NCAPD3: variants seen among roughly 807,000 people sequenced by gnomAD.
NCAPD3 encodes the protein condensin-2 complex subunit D3.
Under a neutral mutation model 182.9 loss-of-function variants are expected in NCAPD3, and 105 were observed. The observed-to-expected ratio is 0.57, with a 90% CI of 0.49 to 0.68. The LOEUF (loss-of-function observed/expected upper bound fraction) is 0.68. Among genes scored for constraint, NCAPD3 ranks in the 30% least tolerant of loss-of-function variants. NCAPD3 has a pLI of 0.00. For missense variants in NCAPD3, 1,944 were observed against 1,837.0 expected, an observed-to-expected ratio of 1.06 and a Z score of -1.07; for synonymous variants, 815 against 679.9, an observed-to-expected ratio of 1.20 and a Z score of -3.09.
intron 27 of NCAPD3, among the ~76,000 whole-genome samples, chr11:134,163,121 C>T (rs1943636025): frequency 1.3e-5 from 2 of 152,080 alleles, no homozygotes; most frequent in Admixed American, 1.3e-4. Context: ...GAAGGCACAC[C>T]AGAAGTTCTT....
At chr11:134,200,349 G>T (rs531601948) in intron 13 of NCAPD3, among the ~76,000 whole-genome samples, 112 of 152,052 alleles carry the variant, frequency 7.4e-4, no homozygotes, top group Middle Eastern at 6.8e-3. Context: ...ATCTGATAAG[G>T]TATATATATA....
At chr11:134,194,617 C>T in intron 14 of NCAPD3, 48 bp downstream of exon 14, 1 of 1,355,762 alleles carries the variant, frequency 7.4e-7, no homozygotes. Context: ...CTTTGCATTT[C>T]CAAGTTTTTA....
At position 134,209,494 on chromosome 11, in the gene NCAPD3, T is replaced by G; in HGVS notation, c.568-17A>C. On this transcript the variant is annotated splice_polypyrimidine_tract_variant and intron_variant, in intron 4 of 34. Transcript: ENST00000534548. The stretch of plus-strand genomic sequence containing the variant: ...TTCATCCATCTAGATTATGAAGAAA[T>G]GTACAGGTGACTGTAATAAATGCCA... 25 of 1,598,960 alleles carry G rather than the reference T, an allele frequency of 1.6e-5. No individual in the cohort carries two copies. The highest frequency in any genetic ancestry group is 2.1e-5 in the Non-Finnish European group (25 of 1,173,186).
At chr11:134,193,112 T>TA (rs1944558144) in intron 15 of NCAPD3, among the ~76,000 whole-genome samples, 3 of 152,242 alleles carry the variant, frequency 2.0e-5, no homozygotes, top group Admixed American at 2.0e-4. Context: ...ACTCATACAT[T>TA]AAAGTCACTA....
In NCAPD3 at chr11:134,184,888, C is replaced by G. The variant is rs1327172893; in HGVS notation, c.2335+15G>C. The stretch of plus-strand genomic sequence containing the variant: ...GCAATGCATTTTCACATAAGATTCT[C>G]CAGCAGACACTCACCAGTCACTTTG... On this transcript the variant is annotated intron_variant, in intron 18 of 34. Transcript: ENST00000534548. The G allele has an allele frequency of 1.9e-6, 3 of 1,590,926 alleles. No individual in the cohort carries two copies. In the East Asian group the frequency reaches 6.7e-5, roughly 36 times the overall value.
At chr11:134,182,037 A>C (rs937113567) in intron 19 of NCAPD3, among the ~76,000 whole-genome samples, 4 of 152,200 alleles carry the variant, frequency 2.6e-5, no homozygotes, top group African/African-American at 9.7e-5. Flanking sequence ...TATTACTTCT[A>C]AAAGAACTAT....
intron 18 of NCAPD3, 34 bp from the exon 19 acceptor site, chr11:134,184,786 T>C (rs767803780): frequency 4.0e-6 from 6 of 1,512,698 alleles, no homozygotes; most frequent in Non-Finnish European, 5.5e-6. Flanking sequence ...GAAGTTCAAC[T>C]GCTTAAATAT....
chr11:134,215,015 T>C (rs933679392), intron 3 of NCAPD3, among the ~76,000 whole-genome samples: 19 of 152,198 alleles, frequency 1.2e-4, no homozygotes, highest in African/African-American at 4.6e-4. Flanking sequence ...TTATACACCA[T>C]GACCAAGGTC....
At chr11:134,211,199 T>A (rs1591861567) in intron 3 of NCAPD3, among the ~76,000 whole-genome samples, 1 of 152,198 alleles carries the variant, frequency 6.6e-6, no homozygotes, top group African/African-American at 2.4e-5. Context: ...CTAAACCCGA[T>A]ATAGCATAAA....
intron 27 of NCAPD3, among the ~76,000 whole-genome samples, chr11:134,167,601 CACT>C (rs10569176): frequency 0.19 from 20,099 of 104,502 alleles, 2,490 homozygotes; most frequent in African/African-American, 0.29. Context: ...GGGGCACACT[CACT>C]AGTGAGATGA....
In NCAPD3 at chr11:134,209,341, T is replaced by A. The variant is rs764513207; in HGVS notation, c.704A>T (p.Lys235Met). Residue 235 changes from lysine (K) to methionine (M), a missense_variant, in exon 5 of 35, where the codon AAG becomes ATG. Physicochemically the swap from Lys to Met is moderately conservative, Grantham distance 95. Around this residue, in one of 3 missense-constraint regions of NCAPD3, gnomAD observed 1,803 missense variants for 1,674.6 expected, o/e 1.08. Coordinates refer to ENST00000534548, the MANE Select transcript of NCAPD3 (RefSeq NM_015261.3). ...TATACAATTCTGTACACATTGTGGC[T>A]TTTCTTTCAAGGAAAACTTTGGCAG... is the stretch of plus-strand genomic sequence containing the variant. ...RLLPKFSLKE[K>M]PQCVQNCIEV... is the part of the protein sequence containing the mutation. 2.2e-5 allele frequency: 36 copies of A among 1,613,878 alleles called. No individual in the cohort carries two copies. Among genetic ancestry groups the A allele is most frequent in the Non-Finnish European group, 2.8e-5 (33 of 1,179,998 alleles).
intron 32 of NCAPD3, among the ~76,000 whole-genome samples, chr11:134,156,397 T>C (rs1199797347): frequency 6.6e-6 from 1 of 152,208 alleles, no homozygotes; most frequent in African/African-American, 2.4e-5. Context: ...GCATTTCTTC[T>C]TCCTGTAAGA....
chr11:134,179,515 T>C (rs1944247801), intron 20 of NCAPD3, among the ~76,000 whole-genome samples: 1 of 152,274 alleles, frequency 6.6e-6, no homozygotes, highest in Non-Finnish European at 1.5e-5. Flanking sequence ...CCAGTATCAA[T>C]GAACACTGAT....
Position 134,210,318 on chromosome 11 carries a change from G to T in NCAPD3, c.519C>A (p.Pro173=). ...GCTTTCCCCTTTTTCTATGCCTCCC[G>T]GGGTTAGCCTGAGAGCTCTTAGGCT... The part of the protein sequence containing the change: ...KEQPKSSQAN[P]GRHRKRGKPP... Residue 173 remains proline, a synonymous_variant, in exon 4 of 35, where the codon CCC becomes CCA. Transcript: ENST00000534548. 6.2e-7 allele frequency: 1 copy of T among 1,613,972 alleles called. No homozygotes were observed. The highest frequency in any genetic ancestry group is 1.3e-5 in the African/African-American group (1 of 74,980).
chr11:134,188,889 G>T (rs1944468057), intron 16 of NCAPD3, among the ~76,000 whole-genome samples: 1 of 152,160 alleles, frequency 6.6e-6, no homozygotes, highest in Admixed American at 6.5e-5. Context: ...GAGACACCAG[G>T]GATGTGCATG....
At chr11:134,164,512 C>A (rs527822703) in intron 27 of NCAPD3, among the ~76,000 whole-genome samples, 1 of 152,114 alleles carries the variant, frequency 6.6e-6, no homozygotes, top group African/African-American at 2.4e-5. Flanking sequence ...AGGGAGAACA[C>A]GGAAGCCAGT....
Position 134,203,736 on chromosome 11 carries a change from G to C in NCAPD3, c.1386C>G (p.Ser462Arg). Reference sequence around the variant, plus strand: ...AGTGTGCAAAGCTGGACAGTGCCTTGCTGCGGACAGTAGGCGCCTTGTCTA... The same window carrying C: ...AGTGTGCAAAGCTGGACAGTGCCTTCCTGCGGACAGTAGGCGCCTTGTCTA... ...RCLDKAPTVR[S>R]KALSSFAHCL... Residue 462 changes from serine to arginine, a missense_variant, in exon 11 of 35, where the codon AGC (serine) becomes AGG (arginine). Coordinates refer to ENST00000534548, the MANE Select transcript of NCAPD3 (RefSeq NM_015261.3). 6.2e-7 allele frequency: 1 copy of C among 1,614,154 alleles called. No individual in the cohort carries two copies.
Position 134,217,092 on chromosome 11 carries a change from A to G in NCAPD3, c.226T>C (p.Trp76Arg). 5 of 1,609,044 alleles carry G rather than the reference A, an allele frequency of 3.1e-6. No homozygotes were observed. The highest frequency in any genetic ancestry group is 3.4e-6 in the Non-Finnish European group (4 of 1,178,016). The change falls in exon 3 of 35, where the codon TGG becomes CGG. Residue 76 changes from tryptophan to arginine, a missense_variant. By Grantham distance (101) the Trp-to-Arg change is moderately radical (BLOSUM62 -3). This residue lies in a region of NCAPD3 where 131 missense variants were observed against 133.9 expected (regional missense o/e 0.98). Coordinates refer to ENST00000534548, the MANE Select transcript of NCAPD3 (RefSeq NM_015261.3). ...ACATTGTTCTCAATGAAGAAGGTCC[A>G]GATACTCTGTGGGGAGACCGCAAAT... ...TGEHGSMESI[W>R]TFFIENNVSH... is the part of the protein sequence containing the mutation.
chr11:134,209,463 T>C lies in NCAPD3; in HGVS notation c.582A>G (p.Ile194Met), dbSNP rs764909280. ...AAATATTCTCATCTTCTTGTTCTTC[T>C]ATAATTTCATCCATCTAGATTATGA... The part of the protein sequence containing the change: ...RREDIEMDEI[I>M]EEQEDENICF... The change falls in exon 5 of 35, where the codon ATA becomes ATG. Residue 194 changes from isoleucine (I) to methionine (M), a missense_variant. Ile to Met is a conservative substitution (Grantham distance 10, BLOSUM62 1). Transcript: ENST00000534548. 6.2e-7 allele frequency: 1 copy of C among 1,610,962 alleles called. No individual in the cohort carries two copies. Among genetic ancestry groups the C allele is most frequent in the East Asian group, 2.2e-5 (1 of 44,866 alleles).
Sources: gnomAD v4.1 joint callset for allele counts (sites outside exome capture counted in the v4.1 genomes callset) on GRCh38, gnomAD v4.1.1 for gene constraint, gnomAD v4.1.1 regional missense constraint, MANE v1.5 for transcripts, NCBI Gene and HGNC (gene_info 2026-07-23, HGNC 2026-07-21) for gene names.